The following MEMO1 variants were observed in gnomAD, a reference collection of about 807,000 sequenced individuals.
MEMO1 encodes protein MEMO1.
A neutral mutation model predicts 45.2 loss-of-function variants in MEMO1; 6 were observed. The ratio of observed to expected loss-of-function variants is 0.13; its 90% CI spans 0.07 to 0.26. The LOEUF (loss-of-function observed/expected upper bound fraction) is 0.26, where lower values mean the gene tolerates loss of function less well. MEMO1 is among the 10% of genes least tolerant of loss of function. The pLI, the probability that MEMO1 is intolerant of heterozygous loss-of-function variation, is 1.00. For missense variants in MEMO1, 184 were observed against 370.5 expected, an observed-to-expected ratio of 0.50 and a Z score of 4.13; for synonymous variants, 78 against 124.3, an observed-to-expected ratio of 0.63 and a Z score of 2.48.
chr2:31,867,898 T>A lies in MEMO1; in HGVS notation c.*463A>T, dbSNP rs539806594. On this transcript the variant is annotated 3_prime_UTR_variant, in exon 10 of 10. Coordinates refer to ENST00000404530, the MANE Select transcript of MEMO1 (RefSeq NM_001301833.4). ...GTACAACATGGGTAGTAATTGACTA[T>A]AACTGGAGATTTATTATATTCTAAT... 1 of 152,620 alleles carries A rather than the reference T, an allele frequency of 6.6e-6. No individual in the cohort carries two copies. Among genetic ancestry groups the A allele is most frequent in the East Asian group, 1.9e-4 (1 of 5,180 alleles). The allele number at this position is 152,620 out of a possible 1,614,324, so 9.5% of individuals were successfully genotyped here.
intron 1 of MEMO1, 63 bp from the exon 2 acceptor site, chr2:32,010,327 G>C: frequency 1.2e-6 from 1 of 854,778 alleles, no homozygotes; most frequent in Non-Finnish European, 1.8e-6. Context: ...CTCCGCGAGG[G>C]GACGAGACAC....
At chr2:32,009,872 G>A (rs1674608715) in intron 2 of MEMO1, among the ~76,000 whole-genome samples, 1 of 152,076 alleles carries the variant, frequency 6.6e-6, no homozygotes, top group African/African-American at 2.4e-5. Context: ...GGGTCCGGGA[G>A]CACGTTCCTT....
chr2:31,950,098 T>C (rs1487736109), intron 2 of MEMO1, among the ~76,000 whole-genome samples: 1 of 152,150 alleles, frequency 6.6e-6, no homozygotes, highest in Non-Finnish European at 1.5e-5. Flanking sequence ...ACATATATTA[T>C]TGCCGGGCGC....
intron 8 of MEMO1, 83 bp downstream of exon 8, chr2:31,883,292 AATATATTATTT>A: frequency 1.1e-6 from 1 of 899,252 alleles, no homozygotes; most frequent in Non-Finnish European, 1.7e-6. Context: ...ATAGGGAAAA[AATATATTATTT>A]CAACATGTTA....
chr2:31,963,057 C>G (rs1668208521), intron 2 of MEMO1: 2 of 1,342,206 alleles, frequency 1.5e-6, no homozygotes, highest in African/African-American at 1.5e-5. Context: ...CCTTCACCTT[C>G]AAACTGAAAT....
intron 6 of MEMO1, among the ~76,000 whole-genome samples, chr2:31,917,091 A>C (rs1455956047): frequency 6.6e-6 from 1 of 152,210 alleles, no homozygotes; most frequent in Non-Finnish European, 1.5e-5. Context: ...AGACTTTATT[A>C]GTACATTTAA....
intron 6 of MEMO1, among the ~76,000 whole-genome samples, chr2:31,909,310 A>AT (rs1367793716): frequency 6.6e-6 from 1 of 152,220 alleles, no homozygotes; most frequent in Non-Finnish European, 1.5e-5. Flanking sequence ...TAAAGGAAAA[A>AT]GTCAAATTAT....
chr2:32,010,425 G>A (rs1304023632), intron 1 of MEMO1, 161 bp from the exon 2 acceptor site: 8 of 416,698 alleles, frequency 1.9e-5, no homozygotes, highest in Non-Finnish European at 3.6e-5. Flanking sequence ...GGCGGCCCAG[G>A]AGGAGGAGAT....
At chr2:31,891,337 T>C (rs377170793) in intron 7 of MEMO1, among the ~76,000 whole-genome samples, 3 of 152,048 alleles carry the variant, frequency 2.0e-5, no homozygotes, top group Admixed American at 6.6e-5. Context: ...AGAAGCAACG[T>C]TTACTAAAAG....
At chr2:31,949,642 CAAAAAAAAAAAA>C (rs549686329) in intron 2 of MEMO1, among the ~76,000 whole-genome samples, 2 of 108,972 alleles carry the variant, frequency 1.8e-5, no homozygotes, top group African/African-American at 7.2e-5. Flanking sequence ...TTAATGGGTA[CAAAAAAAAAAAA>C]AAAAAAAACC....
intron 4 of MEMO1, among the ~76,000 whole-genome samples, chr2:31,923,185 T>G (rs1682582984): frequency 6.6e-6 from 1 of 152,196 alleles, no homozygotes; most frequent in South Asian, 2.1e-4. Flanking sequence ...AGGTGGTATC[T>G]CATTGTGGTT....
chr2:31,899,564 C>A (rs1418379496), intron 6 of MEMO1, among the ~76,000 whole-genome samples: 1 of 152,160 alleles, frequency 6.6e-6, no homozygotes, highest in African/African-American at 2.4e-5. Flanking sequence ...AACGTAAGAC[C>A]TAAAACCATA....
intron 6 of MEMO1, among the ~76,000 whole-genome samples, chr2:31,901,045 G>T (rs758774171): frequency 1.3e-5 from 2 of 152,096 alleles, no homozygotes; most frequent in Non-Finnish European, 2.9e-5. Flanking sequence ...ACAAAATGTG[G>T]TATATTCATA....
Position 31,868,413 on chromosome 2 carries a change from T to C in MEMO1, c.842A>G (p.Asn281Ser), listed in dbSNP as rs998034241. The change falls in exon 10 of 10, where the codon AAC becomes AGC. Residue 281 changes from asparagine (N) to serine (S), a missense_variant. Around this residue, in one of 3 missense-constraint regions of MEMO1, gnomAD observed 97 missense variants for 209.3 expected, o/e 0.46. Coordinates refer to ENST00000404530, the MANE Select transcript of MEMO1 (RefSeq NM_001301833.4). ...LNYAQSSQCR[N>S]WQDSSVSYAA... is the part of the protein sequence containing the mutation. ...ATAACTCACTGAACTGTCTTGCCAG[T>C]TTCTACACTGGCTCGACTGGGCATA... 5.0e-6 allele frequency: 8 copies of C among 1,598,482 alleles called. No homozygotes were observed. Among genetic ancestry groups the C allele is most frequent in the Non-Finnish European group, 6.8e-6 (8 of 1,173,376 alleles).
chr2:31,868,530 A>G (rs757369264), intron 9 of MEMO1, 38 bp from the exon 10 acceptor site: 1 of 1,543,812 alleles, frequency 6.5e-7, no homozygotes, highest in Non-Finnish European at 8.7e-7. Flanking sequence ...CACACATCAC[A>G]TAAAAAACTG....
intron 4 of MEMO1, among the ~76,000 whole-genome samples, chr2:31,929,722 T>C (rs1433815273): frequency 1.3e-5 from 2 of 152,214 alleles, no homozygotes; most frequent in Admixed American, 1.3e-4. Flanking sequence ...AAGATGATCC[T>C]GGCTGAAATA....
chr2:31,901,273 G>A (rs1024233851), intron 6 of MEMO1, among the ~76,000 whole-genome samples: 4 of 150,074 alleles, frequency 2.7e-5, no homozygotes, highest in African/African-American at 4.9e-5. Context: ...CTTGGGAGGC[G>A]GAGGCAGAAG....
chr2:31,880,242 G>A lies in MEMO1; in HGVS notation c.657+3144C>T, dbSNP rs547763953. On this transcript the variant is annotated intron_variant, in intron 8 of 9. Transcript: ENST00000404530. ...AGAAAAAGTTTTCTGAGGCAACTGA[G>A]AACTAAACCTCAGAATAAAAAGACT... 4.5e-4 allele frequency among the ~76,000 whole-genome samples: 69 copies of A among 152,190 alleles called. 4 individuals are homozygous for A. In the South Asian group the frequency reaches 0.011, roughly 24 times the overall value.
chr2:32,006,643 G>C (rs1457037885), intron 2 of MEMO1, among the ~76,000 whole-genome samples: 1 of 151,198 alleles, frequency 6.6e-6, no homozygotes, highest in Non-Finnish European at 1.5e-5. Flanking sequence ...GCCACAGTTA[G>C]TTTGCTGATA....
Sources: gnomAD v4.1 joint callset for allele counts (sites outside exome capture counted in the v4.1 genomes callset) on GRCh38, gnomAD v4.1.1 for gene constraint, gnomAD v4.1.1 regional missense constraint, MANE v1.5 for transcripts, NCBI Gene and HGNC (gene_info 2026-07-23, HGNC 2026-07-21) for gene names.